Variants in SERGEF observed in about 807,000 individuals in gnomAD.
SERGEF encodes the protein secretion-regulating guanine nucleotide exchange factor.
Under a neutral mutation model 50.0 loss-of-function variants are expected in SERGEF, and 51 were observed. The ratio of observed to expected loss-of-function variants is 1.02; its 90% CI spans 0.81 to 1.29. SERGEF has a LOEUF of 1.29. Ranked by LOEUF, SERGEF falls within the 50% of genes most tolerant of loss-of-function variation. The pLI is 0.00. For missense variants in SERGEF, 521 were observed against 557.0 expected (o/e 0.94, Z 0.65); for synonymous variants, 205 against 212.4 (o/e 0.97, Z 0.30).
chr11:17,896,045 CA>C (rs1851615820), intron 9 of SERGEF, among the ~76,000 whole-genome samples: 1 of 152,014 alleles, frequency 6.6e-6, no homozygotes, highest in Admixed American at 6.5e-5. Flanking sequence ...GTGTGGTGAA[CA>C]AAAAATCTTA....
chr11:17,900,604 T>C (rs1474068755), intron 9 of SERGEF, among the ~76,000 whole-genome samples: 2 of 152,208 alleles, frequency 1.3e-5, no homozygotes, highest in Non-Finnish European at 1.5e-5. Flanking sequence ...TCAGTGACCC[T>C]ACCTAGGGGA....
At chr11:17,920,815 T>C (rs892871615) in intron 9 of SERGEF, among the ~76,000 whole-genome samples, 1 of 152,210 alleles carries the variant, frequency 6.6e-6, no homozygotes, top group Non-Finnish European at 1.5e-5. Flanking sequence ...ACAAGCAATC[T>C]GACCAGAGAA....
At chr11:18,004,634 G>T in intron 3 of SERGEF, 99 bp from the exon 4 acceptor site, 1 of 809,788 alleles carries the variant, frequency 1.2e-6, no homozygotes, top group East Asian at 2.7e-5. Context: ...GGGATGAGGG[G>T]AAGTGCTTCA....
chr11:18,012,430 C>A, intron 1 of SERGEF: 6 of 966,190 alleles, frequency 6.2e-6, no homozygotes, highest in Non-Finnish European at 7.5e-6. Flanking sequence ...CATGCAAGAA[C>A]CGGTCACAGC....
intron 10 of SERGEF, among the ~76,000 whole-genome samples, chr11:17,802,865 G>GTT (rs1168333324): frequency 6.6e-6 from 1 of 152,082 alleles, no homozygotes; most frequent in African/African-American, 2.4e-5. Flanking sequence ...TTCCCAGCAC[G>GTT]TAATACCCTA....
intron 4 of SERGEF, among the ~76,000 whole-genome samples, chr11:18,002,862 G>C (rs1475392870): frequency 6.6e-6 from 1 of 152,148 alleles, no homozygotes; most frequent in African/African-American, 2.4e-5. Flanking sequence ...TTGGCACATT[G>C]CTCCTATTGT....
intron 4 of SERGEF, chr11:18,002,152 T>C: frequency 2.7e-6 from 1 of 376,954 alleles, no homozygotes; most frequent in South Asian, 2.1e-5. Context: ...ATTTTTCTTT[T>C]GTTTTTCCCC....
chr11:17,838,284 A>G (rs1850443234), intron 10 of SERGEF, among the ~76,000 whole-genome samples: 1 of 152,212 alleles, frequency 6.6e-6, no homozygotes, highest in Non-Finnish European at 1.5e-5. Context: ...ATGCCAGGGA[A>G]GGATGATGTT....
chr11:18,003,680 G>A (rs565109319), intron 4 of SERGEF, among the ~76,000 whole-genome samples: 1 of 152,282 alleles, frequency 6.6e-6, no homozygotes, highest in South Asian at 2.1e-4. Flanking sequence ...TCCAGCCTGG[G>A]CAACAGAGTG....
chr11:17,948,649 C>T (rs566660593), intron 9 of SERGEF, among the ~76,000 whole-genome samples: 181 of 152,310 alleles, frequency 1.2e-3, no homozygotes, highest in Non-Finnish European at 1.9e-3. Flanking sequence ...CAGCCATGAG[C>T]AACCTTCCCT....
At chr11:17,827,819 C>G (rs745601146) in intron 10 of SERGEF, among the ~76,000 whole-genome samples, 3 of 152,186 alleles carry the variant, frequency 2.0e-5, no homozygotes, top group Non-Finnish European at 4.4e-5. Context: ...GACACTGAAT[C>G]TGTATTTTTC....
chr11:18,003,605 G>A (rs1381127667), intron 4 of SERGEF, among the ~76,000 whole-genome samples: 2 of 152,242 alleles, frequency 1.3e-5, no homozygotes, highest in African/African-American at 2.4e-5. Flanking sequence ...TCGGGAGGCC[G>A]AGGCAGGGAA....
chr11:17,795,641 C>T (rs1849560002), intron 10 of SERGEF, among the ~76,000 whole-genome samples: 1 of 152,202 alleles, frequency 6.6e-6, no homozygotes, highest in Non-Finnish European at 1.5e-5. Flanking sequence ...CTGTCGGCTC[C>T]CCGAATTCAC....
intron 9 of SERGEF, among the ~76,000 whole-genome samples, chr11:17,915,846 A>G (rs559227208): frequency 6.6e-6 from 1 of 152,206 alleles, no homozygotes; most frequent in South Asian, 2.1e-4. Context: ...AGATATGGTA[A>G]GGCAATGCCA....
intron 8 of SERGEF, among the ~76,000 whole-genome samples, chr11:17,978,448 G>A (rs576659212): frequency 1.3e-5 from 2 of 152,202 alleles, no homozygotes; most frequent in African/African-American, 2.4e-5. Context: ...GAACTGAGGA[G>A]GAGAACTGGA....
chr11:17,885,884 C>T (rs1851420154), intron 9 of SERGEF, among the ~76,000 whole-genome samples: 1 of 152,206 alleles, frequency 6.6e-6, no homozygotes, highest in South Asian at 2.1e-4. Flanking sequence ...CAGATCACCT[C>T]AGCCTTTAGG....
chr11:17,867,130 A>G (rs1851043897), intron 10 of SERGEF, among the ~76,000 whole-genome samples: 1 of 152,208 alleles, frequency 6.6e-6, no homozygotes, highest in Non-Finnish European at 1.5e-5. Context: ...ACAGTGTCCT[A>G]AAGTCTTAAT....
At chr11:17,891,579 GA>G (rs1565196402) in intron 9 of SERGEF, among the ~76,000 whole-genome samples, 1 of 152,116 alleles carries the variant, frequency 6.6e-6, no homozygotes, top group African/African-American at 2.4e-5. Flanking sequence ...GTTAAGCCTG[GA>G]AAAAAAGATT....
chr11:17,909,832 G>T (rs2133928464), intron 9 of SERGEF, among the ~76,000 whole-genome samples: 1 of 152,246 alleles, frequency 6.6e-6, no homozygotes, highest in East Asian at 1.9e-4. Context: ...GAAAGTTTCT[G>T]ATTAGACCTC....
Sources: allele counts gnomAD v4.1 joint callset (sites outside exome capture counted in the v4.1 genomes callset), GRCh38; gene constraint gnomAD v4.1.1; transcripts MANE v1.5; gene names NCBI Gene and HGNC (gene_info 2026-07-23, HGNC 2026-07-21).